VAC14: variants seen among roughly 807,000 people sequenced by gnomAD.
The protein encoded by VAC14 is VAC14 component of PIKFYVE complex.
VAC14 carries 47 observed loss-of-function variants against 85.3 expected under a neutral mutation model. The ratio of observed to expected loss-of-function variants is 0.55; its 90% confidence interval spans 0.44 to 0.70. The LOEUF (loss-of-function observed/expected upper bound fraction) is 0.70. Among genes scored for constraint, VAC14 ranks in the 30% least tolerant of loss-of-function variants. VAC14 has a pLI of 0.00. For synonymous variants in VAC14, 447 were observed against 430.5 expected, an observed-to-expected ratio of 1.04 and a Z score of -0.47; for missense variants, 861 against 1,004.3, an observed-to-expected ratio of 0.86 and a Z score of 1.93.
At chr16:70,699,167 C>CCG (rs397804732) in intron 14 of VAC14, 6 of 239,454 alleles carry the variant, frequency 2.5e-5, no homozygotes, top group Admixed American at 1.4e-4. Context: ...CAATGGCCCC[C>CCG]ACCCCAGGCC....
intron 1 of VAC14, among the ~76,000 whole-genome samples, chr16:70,787,072 A>G (rs972193155): frequency 6.6e-6 from 1 of 152,190 alleles, no homozygotes; most frequent in African/African-American, 2.4e-5. Flanking sequence ...AGGAGTGGCT[A>G]GAGACAGGTA....
chr16:70,749,285 T>A (rs1403848909), intron 12 of VAC14, among the ~76,000 whole-genome samples: 2 of 152,200 alleles, frequency 1.3e-5, no homozygotes, highest in African/African-American at 4.8e-5. Flanking sequence ...TTAGCCCACC[T>A]CAGTACTACT....
At chr16:70,720,544 T>C (rs1353523793) in intron 14 of VAC14, among the ~76,000 whole-genome samples, 5 of 152,174 alleles carry the variant, frequency 3.3e-5, no homozygotes, top group Admixed American at 6.5e-5. Flanking sequence ...CCAAGGCACC[T>C]TTCTCTCTGA....
At chr16:70,717,100 T>A (rs1434751685) in intron 14 of VAC14, among the ~76,000 whole-genome samples, 1 of 152,286 alleles carries the variant, frequency 6.6e-6, no homozygotes, top group Non-Finnish European at 1.5e-5. Flanking sequence ...GGCCTTGGAT[T>A]CTGGTTCCAG....
At chr16:70,776,296 C>T (rs979257852) in intron 9 of VAC14, among the ~76,000 whole-genome samples, 10 of 152,236 alleles carry the variant, frequency 6.6e-5, no homozygotes, top group African/African-American at 4.8e-5. Context: ...TTTGTAGAGA[C>T]AGGGTCTCTC....
chr16:70,709,558 C>T (rs1210069614), intron 14 of VAC14, among the ~76,000 whole-genome samples: 2 of 152,224 alleles, frequency 1.3e-5, no homozygotes, highest in East Asian at 1.9e-4. Context: ...TAGTTCTACC[C>T]TCCTAGGGCA....
chr16:70,722,227 T>C (rs1028028174), intron 14 of VAC14, among the ~76,000 whole-genome samples: 36 of 152,230 alleles, frequency 2.4e-4, no homozygotes, highest in Admixed American at 1.7e-3. Context: ...GCCTGGGCTA[T>C]GAAGTGGACT....
intron 1 of VAC14, among the ~76,000 whole-genome samples, chr16:70,795,417 C>G (rs748602045): frequency 4.8e-4 from 73 of 150,856 alleles, no homozygotes; most frequent in Admixed American, 1.8e-3. Context: ...TGGCGTGAAC[C>G]TGAGAGGCAG....
intron 9 of VAC14, chr16:70,778,762 A>C (rs532037870): frequency 1.3e-5 from 2 of 152,340 alleles, no homozygotes; most frequent in African/African-American, 4.8e-5. Context: ...AACTGGAAAA[A>C]ATACATCAAA....
intron 1 of VAC14, among the ~76,000 whole-genome samples, chr16:70,787,126 C>T (rs761579922): frequency 2.6e-5 from 4 of 152,266 alleles, no homozygotes; most frequent in South Asian, 4.1e-4. Context: ...AGGGATGACA[C>T]GCTCAGCCCC....
chr16:70,784,910 T>A, intron 3 of VAC14, 72 bp from the exon 4 acceptor site: 3 of 1,373,562 alleles, frequency 2.2e-6, no homozygotes, highest in Non-Finnish European at 3.1e-6. Flanking sequence ...AGGGATTTCC[T>A]GCAAATCCGC....
At chr16:70,706,655 A>C (rs1203324720) in intron 14 of VAC14, among the ~76,000 whole-genome samples, 1 of 152,186 alleles carries the variant, frequency 6.6e-6, no homozygotes, top group Non-Finnish European at 1.5e-5. Flanking sequence ...GGCATGTGCC[A>C]CGATACTAGG....
chr16:70,784,085 G>A lies in VAC14; in HGVS notation c.594+28C>T, dbSNP rs373462390. ...GAGCAGATTTTCCAAACTGGAGGCT[G>A]GAGAAACGGTGTCCGGCCAGGCCTT... On this transcript the variant is annotated intron_variant, in intron 5 of 18. Coordinates refer to ENST00000261776, the MANE Select transcript of VAC14 (RefSeq NM_018052.5). 1.3e-5 allele frequency: 21 copies of A among 1,597,512 alleles called. No homozygotes were observed. The African/African-American group carries it at 2.0e-4, about 15-fold the overall frequency.
At chr16:70,717,393 G>GTT (rs2054189671) in intron 14 of VAC14, among the ~76,000 whole-genome samples, 2 of 152,202 alleles carry the variant, frequency 1.3e-5, no homozygotes, top group South Asian at 4.1e-4. Context: ...TGAACTTCTA[G>GTT]TTTTAAATGA....
chr16:70,791,427 C>A (rs2034334421), intron 1 of VAC14, among the ~76,000 whole-genome samples: 1 of 152,168 alleles, frequency 6.6e-6, no homozygotes, highest in Non-Finnish European at 1.5e-5. Context: ...CTCTGTTGCC[C>A]AGGCTGGAGT....
intron 17 of VAC14, among the ~76,000 whole-genome samples, chr16:70,694,600 G>T (rs562900533): frequency 2.0e-5 from 3 of 152,362 alleles, no homozygotes; most frequent in African/African-American, 7.2e-5. Flanking sequence ...GGTCAGAGAC[G>T]CTGCCAGAGA....
rs570006273 is a variant in VAC14 at position 70,694,166 on chromosome 16, G to T, written c.2036-1195C>A. 2.0e-5 allele frequency among the ~76,000 whole-genome samples: 3 copies of T among 152,366 alleles called. No individual in the cohort carries two copies. The South Asian group carries it at 6.2e-4, about 32-fold the overall frequency. The stretch of plus-strand genomic sequence containing the variant: ...TCTCCTGTTACCCTGCCCCAGCAAA[G>T]CCCTGGGCTTGAGGAGAAGGTGCTT... On this transcript the variant is annotated intron_variant, in intron 17 of 18. Coordinates refer to ENST00000261776, the MANE Select transcript of VAC14 (RefSeq NM_018052.5).
At chr16:70,708,501 G>A (rs118071741) in intron 14 of VAC14, among the ~76,000 whole-genome samples, 1,706 of 152,288 alleles carry the variant, frequency 0.011, 13 homozygotes, top group Non-Finnish European at 0.017. Flanking sequence ...TGGCTCTGGC[G>A]GAAGCATTTC....
At chr16:70,709,864 A>G (rs946778353) in intron 14 of VAC14, among the ~76,000 whole-genome samples, 1 of 152,116 alleles carries the variant, frequency 6.6e-6, no homozygotes, top group African/African-American at 2.4e-5. Flanking sequence ...CTGCCAGGGA[A>G]ATGGCCAGGG....
Sources: allele counts gnomAD v4.1 joint callset (sites outside exome capture counted in the v4.1 genomes callset), GRCh38; gene constraint gnomAD v4.1.1; transcripts MANE v1.5; gene names NCBI Gene and HGNC (gene_info 2026-07-23, HGNC 2026-07-21).